The following PADI1 variants were observed in gnomAD, a reference collection of about 807,000 sequenced individuals.
The protein encoded by PADI1 is protein-arginine deiminase type-1.
Under a neutral mutation model 74.8 loss-of-function variants are expected in PADI1, and 65 were observed. That is an observed-to-expected ratio of 0.87 (90% CI 0.71 to 1.07). The LOEUF (loss-of-function observed/expected upper bound fraction) is 1.07. Among genes scored for constraint, PADI1 ranks in the 50% least tolerant of loss-of-function variants. The pLI is 0.00. For synonymous variants in PADI1, 371 were observed against 336.2 expected, an observed-to-expected ratio of 1.10 and a Z score of -1.13; for missense variants, 943 against 854.0, an observed-to-expected ratio of 1.10 and a Z score of -1.30.
At chr1:17,223,368 C>A (rs1045853723) in intron 2 of PADI1, 9 of 506,628 alleles carry the variant, frequency 1.8e-5, no homozygotes, top group African/African-American at 1.6e-4. Context: ...CTTTCCCATC[C>A]CTCCACCTTT....
rs183484861 is a variant in PADI1, at chr1:17,230,777, A to G, written c.1161+98A>G. On this transcript the variant is annotated intron_variant, in intron 10 of 15. Transcript: ENST00000375471. ...GGACCTAGTCCTATAGGGCTCAGAG[A>G]ACAGGAAGAGGGGGCAGAAGGATAC... 510 of 703,630 alleles carry G rather than the reference A, an allele frequency of 7.2e-4. 8 individuals are homozygous for G. The South Asian group carries it at 7.9e-3, about 11-fold the overall frequency. The allele number at this position is 703,630 out of a possible 1,614,324, so 43.6% of individuals were successfully genotyped here. A position where few individuals can be genotyped will look rare whatever the true frequency, so the allele number is the denominator to read the frequency against.
chr1:17,221,744 G>A (rs1052225212), intron 1 of PADI1, among the ~76,000 whole-genome samples: 3 of 152,206 alleles, frequency 2.0e-5, no homozygotes, highest in African/African-American at 7.2e-5. Flanking sequence ...GGAGCTAAGT[G>A]AGCGAGGGAA....
At chr1:17,241,496 A>G in intron 15 of PADI1, among the ~76,000 whole-genome samples, 1 of 148,874 alleles carries the variant, frequency 6.7e-6, no homozygotes, top group Non-Finnish European at 1.5e-5. Context: ...TCAGGGTTGG[A>G]AGTGAAAGTC....
At chr1:17,240,978 G>A (rs2072764921) in intron 15 of PADI1, among the ~76,000 whole-genome samples, 1 of 152,184 alleles carries the variant, frequency 6.6e-6, no homozygotes, top group Admixed American at 6.5e-5. Context: ...GCATGCCCCT[G>A]GCATCTGGTG....
chr1:17,231,981 T>C (rs890656935), intron 10 of PADI1, among the ~76,000 whole-genome samples: 2 of 152,128 alleles, frequency 1.3e-5, no homozygotes, highest in South Asian at 4.1e-4. Context: ...CACTGTTGCC[T>C]GGGCTGGAGT....
chr1:17,238,601 C>T lies in PADI1; in HGVS notation c.1459-15C>T. The T allele has an allele frequency of 1.4e-6, 2 of 1,444,708 alleles. No individual in the cohort carries two copies. Among genetic ancestry groups the T allele is most frequent in the East Asian group, 2.7e-5 (1 of 37,492 alleles). The allele number at this position is 1,444,708 out of a possible 1,614,324, so 89.5% of individuals were successfully genotyped here. On this transcript the variant is annotated splice_polypyrimidine_tract_variant and intron_variant, in intron 12 of 15. Transcript: ENST00000375471. ...GACCCTGTCCACTGAGCCATTCTCC[C>T]TCCCTCCGTGCCAGGGCTTCCGGCT...
intron 4 of PADI1, among the ~76,000 whole-genome samples, chr1:17,225,606 C>T (rs1346185307): frequency 6.6e-6 from 1 of 152,116 alleles, no homozygotes; most frequent in African/African-American, 2.4e-5. Context: ...TATGGTTGTG[C>T]AGGTTGCTCA....
intron 2 of PADI1, among the ~76,000 whole-genome samples, chr1:17,223,042 A>ACTGTGGGCTCAGACCCCACCTC (rs2072204219): frequency 6.6e-6 from 1 of 152,172 alleles, no homozygotes; most frequent in African/African-American, 2.4e-5. Context: ...TCAGGAGCCC[A>ACTGTGGGCTCAGACCCCACCTC]CTGTGGGCTC....
At position 17,222,440 on chromosome 1, in the gene PADI1, C is replaced by T; in HGVS notation, c.243C>T (p.Gly81=). The T allele has an allele frequency of 6.2e-7, 1 of 1,614,012 alleles. No individual in the cohort carries two copies. The highest frequency in any genetic ancestry group is 8.5e-7 in the Non-Finnish European group (1 of 1,179,910). The change falls in exon 2 of 16, where the codon GGC becomes GGT. Residue 81 remains glycine, a synonymous_variant. Transcript: ENST00000375471. Reference sequence around the variant, plus strand: ...ATGCAGACATGGTCGTATCTGTGGGCACAGCCAGTAAGGAATTAAAGGACT... The same window carrying T: ...ATGCAGACATGGTCGTATCTGTGGGTACAGCCAGTAAGGAATTAAAGGACT... ...DTDADMVVSV[G]TASKELKDFK...
At chr1:17,227,566 TAAA>T (rs879691354) in intron 6 of PADI1, among the ~76,000 whole-genome samples, 3,626 of 147,422 alleles carry the variant, frequency 0.025, 77 homozygotes, top group Middle Eastern at 0.11. Flanking sequence ...AATAAATAAA[TAAA>T]TAAATAAATA....
chr1:17,206,479 G>A (rs1248992609), intron 1 of PADI1, among the ~76,000 whole-genome samples: 3 of 152,156 alleles, frequency 2.0e-5, no homozygotes, highest in Admixed American at 2.0e-4. Context: ...TGGTTCTCTC[G>A]GGTCTAGGTG....
At chr1:17,229,691 G>GT (rs1410477522) in intron 8 of PADI1, among the ~76,000 whole-genome samples, 1 of 152,162 alleles carries the variant, frequency 6.6e-6, no homozygotes, top group African/African-American at 2.4e-5. Context: ...AAAAGAGACT[G>GT]TTCTCCTGCT....
Position 17,242,313 on chromosome 1 carries a change from A to G in PADI1, c.1758+1553A>G, listed in dbSNP as rs181668563. On this transcript the variant is annotated intron_variant, in intron 15 of 15. Coordinates refer to ENST00000375471, the MANE Select transcript of PADI1 (RefSeq NM_013358.3). ...GTTAGAACATTCTGTGCTGATGAAA[A>G]TGTTCCATATCGGTACAATACAGTC... 5.9e-5 allele frequency among the ~76,000 whole-genome samples: 9 copies of G among 152,356 alleles called. No individual in the cohort carries two copies. The East Asian group carries it at 1.3e-3, about 23-fold the overall frequency.
At chr1:17,230,414 T>C (rs2072455721) in intron 9 of PADI1, among the ~76,000 whole-genome samples, 158 bp from the exon 10 acceptor site, 1 of 152,228 alleles carries the variant, frequency 6.6e-6, no homozygotes, top group Non-Finnish European at 1.5e-5. Context: ...AGTCCTCTCC[T>C]GGCTGGGGTC....
At position 17,229,102 on chromosome 1, in the gene PADI1, G is replaced by C. The variant is rs1200058035; in HGVS notation, c.929+51G>C. On this transcript the variant is annotated intron_variant, in intron 8 of 15. Coordinates refer to ENST00000375471, the MANE Select transcript of PADI1 (RefSeq NM_013358.3). ...CCCCAAGTCTGGAGTGCAGAGGTAG[G>C]GACAGAAGCTGCCTCAGGGCTGCGC... The C allele has an allele frequency of 5.1e-6, 6 of 1,168,832 alleles. 1 individual carries two copies. The highest frequency in any genetic ancestry group is 5.0e-6 in the Non-Finnish European group (4 of 807,702). 72.4% of individuals were successfully genotyped at this position (1,168,832 alleles called of 1,614,324 possible).
At position 17,226,091 on chromosome 1, in the gene PADI1, C is replaced by T. The variant is rs72895797; in HGVS notation, c.585C>T (p.Asp195=). 3.7e-4 allele frequency: 600 copies of T among 1,614,190 alleles called. 3 individuals carry two copies. In the African/African-American group the frequency reaches 6.4e-3, roughly 17 times the overall value. ...LSCNGPDKLF[D]SHKLVLNVPF... is the part of the protein sequence containing the mutation. ...GCAATGGCCCCGACAAGCTCTTCGA[C>T]AGCCACAAGCTTGTCTTGAACGTGC... Residue 195 remains aspartate, a synonymous_variant, in exon 6 of 16, where the codon GAC becomes GAT. Coordinates refer to ENST00000375471, the MANE Select transcript of PADI1 (RefSeq NM_013358.3).
chr1:17,228,716 G>A lies in PADI1; in HGVS notation c.744G>A (p.Lys248=). ...GACAGCCAGGGGAGCAGGAGATCAA[G>A]TTCTATGTGGAGGGGCTGACCTTCC... ...VERQPGEQEI[K]FYVEGLTFPD... is the part of the protein sequence containing the mutation. Residue 248 remains lysine, a synonymous_variant, in exon 7 of 16, where the codon AAG becomes AAA. Transcript: ENST00000375471. The A allele has an allele frequency of 4.3e-6, 7 of 1,614,224 alleles. 1 individual carries two copies. The South Asian group carries it at 6.6e-5, about 15-fold the overall frequency.
At chr1:17,217,677 T>C (rs1433167160) in intron 1 of PADI1, among the ~76,000 whole-genome samples, 1 of 152,234 alleles carries the variant, frequency 6.6e-6, no homozygotes, top group Non-Finnish European at 1.5e-5. Flanking sequence ...GTGGAAATAG[T>C]GATGTCACGA....
intron 1 of PADI1, among the ~76,000 whole-genome samples, chr1:17,219,349 C>T (rs72895787): frequency 0.035 from 5,289 of 152,120 alleles, 128 homozygotes; most frequent in African/African-American, 0.071. Context: ...AAAGGTCAAG[C>T]GTCCCAGTGG....
Sources: gnomAD v4.1 joint callset for allele counts (sites outside exome capture counted in the v4.1 genomes callset) on GRCh38, gnomAD v4.1.1 for gene constraint, MANE v1.5 for transcripts, NCBI Gene and HGNC (gene_info 2026-07-23, HGNC 2026-07-21) for gene names.